Variants in RANBP17 observed in about 807,000 individuals in gnomAD.
The protein encoded by RANBP17 is RAN binding protein 17.
A neutral mutation model predicts 141.2 loss-of-function variants in RANBP17; 158 were observed. That is an observed-to-expected ratio of 1.12 (90% CI 0.98 to 1.28). RANBP17 has a LOEUF of 1.28. Among genes scored for constraint, RANBP17 ranks in the 50% most tolerant of loss-of-function variants. The pLI is 0.00. For synonymous variants in RANBP17, 430 were observed against 450.0 expected (o/e 0.96, Z 0.56); for missense variants, 1,438 against 1,290.7 (o/e 1.11, Z -1.75).
intron 14 of RANBP17, among the ~76,000 whole-genome samples, chr5:171,135,279 CAAA>C (rs200094154): frequency 1.3e-4 from 7 of 55,894 alleles, no homozygotes; most frequent in Non-Finnish European, 7.6e-5. Context: ...GACTCCATCT[CAAA>C]AAAAAAAAAA....
At chr5:171,069,401 A>G (rs1581554969) in intron 14 of RANBP17, among the ~76,000 whole-genome samples, 1 of 152,172 alleles carries the variant, frequency 6.6e-6, no homozygotes, top group African/African-American at 2.4e-5. Context: ...CCTGGATGCC[A>G]CAAGTCTTCA....
At chr5:171,169,349 G>A (rs1279064650) in intron 14 of RANBP17, among the ~76,000 whole-genome samples, 7 of 152,170 alleles carry the variant, frequency 4.6e-5, no homozygotes, top group South Asian at 2.1e-4. Flanking sequence ...GAGCATCAGG[G>A]AGTATGGAGG....
chr5:170,923,315 A>G (rs1252137615), intron 11 of RANBP17, among the ~76,000 whole-genome samples: 1 of 152,180 alleles, frequency 6.6e-6, no homozygotes, highest in African/African-American at 2.4e-5. Flanking sequence ...AATTTACTGC[A>G]TACATGTAGT....
chr5:171,103,669 T>C (rs1224799800), intron 14 of RANBP17, among the ~76,000 whole-genome samples: 1 of 151,452 alleles, frequency 6.6e-6, no homozygotes, highest in African/African-American at 2.4e-5. Context: ...ACCCTGCAGC[T>C]AGCTAGGTGT....
chr5:171,047,595 C>G (rs1216071829), intron 14 of RANBP17, among the ~76,000 whole-genome samples: 1 of 151,644 alleles, frequency 6.6e-6, no homozygotes, highest in Admixed American at 6.6e-5. Flanking sequence ...CGCATGCCAC[C>G]ACATCAGCTA....
chr5:171,183,235 G>A lies in RANBP17; in HGVS notation c.1929+5G>A. 3.1e-6 allele frequency: 5 copies of A among 1,598,932 alleles called. No homozygotes were observed. The highest frequency in any genetic ancestry group is 4.3e-6 in the Non-Finnish European group (5 of 1,166,334). On this transcript the variant is annotated splice_donor_5th_base_variant and intron_variant, in intron 17 of 27. Transcript: ENST00000523189. ...TTCATGCTAAAAAACCACACGGTAAGTCTTATTTCTTTAATTAATGAATAA... is the reference window on the plus strand; with the variant it reads ...TTCATGCTAAAAAACCACACGGTAAATCTTATTTCTTTAATTAATGAATAA...
chr5:171,205,472 C>A, intron 19 of RANBP17, 52 bp from the exon 20 acceptor site: 2 of 1,439,128 alleles, frequency 1.4e-6, no homozygotes, highest in Non-Finnish European at 2.0e-6. Context: ...ATTACTCCAT[C>A]TGCTCTGCGC....
At chr5:171,259,459 A>C (rs773013936) in intron 24 of RANBP17, among the ~76,000 whole-genome samples, 14 of 152,234 alleles carry the variant, frequency 9.2e-5, no homozygotes, top group Non-Finnish European at 1.6e-4. Flanking sequence ...AAGACATAGA[A>C]TCAATCTAAG....
At chr5:171,100,134 G>A (rs1787037178) in intron 14 of RANBP17, among the ~76,000 whole-genome samples, 1 of 152,166 alleles carries the variant, frequency 6.6e-6, no homozygotes, top group African/African-American at 2.4e-5. Context: ...GAGTTAGGGA[G>A]CAGTCCCTCT....
chr5:171,099,569 C>T (rs1214330704), intron 14 of RANBP17, among the ~76,000 whole-genome samples: 1 of 152,172 alleles, frequency 6.6e-6, no homozygotes, highest in Admixed American at 6.5e-5. Flanking sequence ...TTAACTTCCT[C>T]TCTTCCTATT....
intron 14 of RANBP17, among the ~76,000 whole-genome samples, chr5:171,002,724 C>T (rs1001459553): frequency 6.6e-6 from 1 of 152,092 alleles, no homozygotes; most frequent in African/African-American, 2.4e-5. Context: ...CATAGCCTGC[C>T]TTTGCTGGTG....
At chr5:170,991,173 T>C (rs1288293749) in intron 14 of RANBP17, among the ~76,000 whole-genome samples, 3 of 151,982 alleles carry the variant, frequency 2.0e-5, no homozygotes, top group African/African-American at 7.2e-5. Flanking sequence ...ATGAAAATTA[T>C]TAAGTAGCTT....
At chr5:170,866,291 A>T (rs1473913015) in intron 1 of RANBP17, among the ~76,000 whole-genome samples, 2 of 144,468 alleles carry the variant, frequency 1.4e-5, no homozygotes. Flanking sequence ...TACAGGAGGT[A>T]CAAAGGAGAC....
intron 5 of RANBP17, among the ~76,000 whole-genome samples, chr5:170,899,569 G>A (rs1412063449): frequency 6.6e-6 from 1 of 152,174 alleles, no homozygotes; most frequent in Non-Finnish European, 1.5e-5. Flanking sequence ...AATAGGAGTG[G>A]TAAGAGAGAG....
chr5:170,902,884 C>T (rs13185451), intron 5 of RANBP17, among the ~76,000 whole-genome samples: 91,521 of 152,080 alleles, frequency 0.6, 29,283 homozygotes, highest in South Asian at 0.9. Context: ...TGCCTGTTTC[C>T]TCTTCTGGAA....
chr5:170,985,010 CACAT>C (rs1778032614), intron 14 of RANBP17, among the ~76,000 whole-genome samples: 2 of 149,152 alleles, frequency 1.3e-5, no homozygotes, highest in African/African-American at 2.5e-5. Flanking sequence ...GACACACAGA[CACAT>C]ACACATATAC....
chr5:170,962,002 A>C (rs541221999), intron 13 of RANBP17, among the ~76,000 whole-genome samples: 85 of 152,318 alleles, frequency 5.6e-4, no homozygotes, highest in African/African-American at 2.0e-3. Flanking sequence ...GTTATGTGTA[A>C]TATATGTAGA....
At chr5:170,974,257 A>T (rs1021317099) in intron 14 of RANBP17, among the ~76,000 whole-genome samples, 1 of 152,174 alleles carries the variant, frequency 6.6e-6, no homozygotes, top group Non-Finnish European at 1.5e-5. Flanking sequence ...TATGCTTCCA[A>T]AATACAATGG....
At chr5:171,215,723 A>G (rs1412844952) in intron 21 of RANBP17, among the ~76,000 whole-genome samples, 2 of 152,114 alleles carry the variant, frequency 1.3e-5, no homozygotes, top group Non-Finnish European at 2.9e-5. Flanking sequence ...GTGTCTGTTT[A>G]TATCCTGTGC....
Sources: allele counts gnomAD v4.1 joint callset (sites outside exome capture counted in the v4.1 genomes callset), GRCh38; gene constraint gnomAD v4.1.1; transcripts MANE v1.5; gene names NCBI Gene and HGNC (gene_info 2026-07-23, HGNC 2026-07-21).